The following CHCHD6 variants were observed in gnomAD, a reference collection of about 807,000 sequenced individuals.
CHCHD6 encodes MICOS complex subunit MIC25.
A neutral mutation model predicts 32.3 loss-of-function variants in CHCHD6; 28 were observed. The observed-to-expected ratio is 0.87, with a 90% CI of 0.64 to 1.19. The LOEUF is 1.19. Ranked by LOEUF, CHCHD6 falls within the 50% of genes most tolerant of loss-of-function variation. The pLI is 0.00. For missense variants in CHCHD6, 333 were observed against 307.0 expected (o/e 1.08, Z -0.63); for synonymous variants, 122 against 117.5 (o/e 1.04, Z -0.25).
intron 7 of CHCHD6, among the ~76,000 whole-genome samples, chr3:126,958,986 C>G (rs554426184): frequency 3.9e-5 from 6 of 152,360 alleles, no homozygotes; most frequent in African/African-American, 1.4e-4. Flanking sequence ...CTGCTGCAGC[C>G]TCTTGGCTTC....
At chr3:126,793,548 T>C (rs1038188517) in intron 4 of CHCHD6, among the ~76,000 whole-genome samples, 1 of 152,108 alleles carries the variant, frequency 6.6e-6, no homozygotes, top group African/African-American at 2.4e-5. Context: ...AAATATTACC[T>C]GTGTATATAT....
chr3:126,933,809 A>G (rs1286046265), intron 6 of CHCHD6, among the ~76,000 whole-genome samples: 1 of 152,216 alleles, frequency 6.6e-6, no homozygotes, highest in African/African-American at 2.4e-5. Flanking sequence ...AAACTTCTAT[A>G]AGGAGTGAAT....
chr3:126,848,385 G>T (rs1241597978), intron 4 of CHCHD6, among the ~76,000 whole-genome samples: 1 of 152,070 alleles, frequency 6.6e-6, no homozygotes, highest in Non-Finnish European at 1.5e-5. Context: ...CTATTTGGTG[G>T]TTAGCCTGTT....
intron 4 of CHCHD6, 105 bp downstream of exon 4, chr3:126,733,327 G>T (rs1559811441): frequency 8.9e-7 from 1 of 1,121,168 alleles, no homozygotes. Context: ...GCTGGCTCAG[G>T]CTGCCCCTGG....
At chr3:126,818,004 C>T (rs944077535) in intron 4 of CHCHD6, among the ~76,000 whole-genome samples, 16 of 152,188 alleles carry the variant, frequency 1.1e-4, no homozygotes, top group Non-Finnish European at 2.2e-4. Flanking sequence ...TTTAGCACCT[C>T]CCTCAGAGCC....
At chr3:126,779,535 CAAAAAAAAAAAA>C in intron 4 of CHCHD6, among the ~76,000 whole-genome samples, 1 of 78,098 alleles carries the variant, frequency 1.3e-5, no homozygotes, top group East Asian at 4.3e-4. Flanking sequence ...GACTCCATCT[CAAAAAAAAAAAA>C]AAAAAAAAAA....
rs555998654 is a variant in CHCHD6, at chr3:126,748,369, T to C, written c.411+15147T>C. 2.0e-4 allele frequency among the ~76,000 whole-genome samples: 30 copies of C among 152,282 alleles called. No individual in the cohort carries two copies. In the South Asian group the frequency reaches 6.0e-3, roughly 30 times the overall value. Reference sequence around the variant, plus strand: ...CAGCACTTTGGGAAGCCAAGGCGGATGGATCACCTGAGGTCAGGAATTCGA... The same window carrying C: ...CAGCACTTTGGGAAGCCAAGGCGGACGGATCACCTGAGGTCAGGAATTCGA... On this transcript the variant is annotated intron_variant, in intron 4 of 7. Coordinates refer to ENST00000290913, the MANE Select transcript of CHCHD6 (RefSeq NM_032343.3).
intron 4 of CHCHD6, among the ~76,000 whole-genome samples, chr3:126,792,681 G>T (rs1436621895): frequency 6.6e-6 from 1 of 152,110 alleles, no homozygotes; most frequent in Non-Finnish European, 1.5e-5. Context: ...GAGATGGTCT[G>T]TCTTGGTGAA....
intron 2 of CHCHD6, among the ~76,000 whole-genome samples, chr3:126,729,018 C>T (rs1210521136): frequency 6.6e-6 from 1 of 152,128 alleles, no homozygotes; most frequent in Non-Finnish European, 1.5e-5. Flanking sequence ...TCTTCTCATA[C>T]TATACCCCCC....
At chr3:126,843,410 T>A (rs1236247899) in intron 4 of CHCHD6, among the ~76,000 whole-genome samples, 2 of 152,186 alleles carry the variant, frequency 1.3e-5, no homozygotes, top group African/African-American at 2.4e-5. Flanking sequence ...CCTCCTCTAT[T>A]TGCTGAAAGA....
intron 4 of CHCHD6, among the ~76,000 whole-genome samples, chr3:126,771,237 G>C (rs933464945): frequency 7.7e-6 from 1 of 129,578 alleles, no homozygotes; most frequent in Non-Finnish European, 1.6e-5. Context: ...ATGGAGTCTT[G>C]CTCTGTCGCC....
chr3:126,811,821 G>A (rs1939667912), intron 4 of CHCHD6, among the ~76,000 whole-genome samples: 1 of 152,152 alleles, frequency 6.6e-6, no homozygotes, highest in Admixed American at 6.5e-5. Flanking sequence ...CATATCATGG[G>A]GGACAGGGCC....
At chr3:126,704,435 G>A in intron 1 of CHCHD6, 36 bp downstream of exon 1, 1 of 1,381,694 alleles carries the variant, frequency 7.2e-7, no homozygotes, top group East Asian at 3.0e-5. Flanking sequence ...CGGGCGTGGA[G>A]GCCGCGGGCG....
At chr3:126,727,863 A>G (rs1935609002) in intron 2 of CHCHD6, among the ~76,000 whole-genome samples, 1 of 152,214 alleles carries the variant, frequency 6.6e-6, no homozygotes, top group South Asian at 2.1e-4. Context: ...AAAAAGTTCT[A>G]AGGCATACAA....
At chr3:126,890,525 G>A (rs568484927) in intron 5 of CHCHD6, among the ~76,000 whole-genome samples, 43 of 152,308 alleles carry the variant, frequency 2.8e-4, no homozygotes, top group Non-Finnish European at 5.7e-4. Flanking sequence ...GGGGGACAGA[G>A]TCAGGAGGAG....
intron 4 of CHCHD6, among the ~76,000 whole-genome samples, chr3:126,834,980 TGG>T (rs1940794660): frequency 1.3e-5 from 2 of 152,168 alleles, no homozygotes; most frequent in African/African-American, 4.8e-5. Context: ...CGCTGTGCCA[TGG>T]GCAGTATTTG....
intron 5 of CHCHD6, among the ~76,000 whole-genome samples, chr3:126,906,871 A>G (rs1378666708): frequency 6.6e-6 from 1 of 152,188 alleles, no homozygotes; most frequent in Non-Finnish European, 1.5e-5. Flanking sequence ...ACCAATGAAG[A>G]AGCACGTTCA....
intron 6 of CHCHD6, among the ~76,000 whole-genome samples, chr3:126,952,383 G>A (rs1348878160): frequency 6.6e-6 from 1 of 152,204 alleles, no homozygotes; most frequent in Non-Finnish European, 1.5e-5. Context: ...TGGGCCCATG[G>A]CCACCTGCTG....
chr3:126,933,442 G>A (rs181310398), intron 6 of CHCHD6, among the ~76,000 whole-genome samples: 4 of 152,288 alleles, frequency 2.6e-5, no homozygotes, highest in Admixed American at 6.5e-5. Flanking sequence ...AAAGAAAAGA[G>A]GTTTATTTGG....
Sources: allele counts gnomAD v4.1 joint callset (sites outside exome capture counted in the v4.1 genomes callset), GRCh38; gene constraint gnomAD v4.1.1; transcripts MANE v1.5; gene names NCBI Gene and HGNC (gene_info 2026-07-23, HGNC 2026-07-21).